The following LRP5 variants were observed in gnomAD, a reference collection of about 807,000 sequenced individuals.
LRP5 encodes the protein LDL receptor related protein 5, also known as low-density lipoprotein receptor-related protein 5.
A neutral mutation model predicts 154.1 loss-of-function variants in LRP5; 62 were observed. That is an observed-to-expected ratio of 0.40 (90% CI 0.33 to 0.50). The LOEUF (loss-of-function observed/expected upper bound fraction) is 0.50. LRP5 is among the 20% of genes least tolerant of loss of function. LRP5 has a pLI of 0.55. For missense variants in LRP5, 1,915 were observed against 2,336.7 expected, an observed-to-expected ratio of 0.82 and a Z score of 3.72; for synonymous variants, 966 against 1,011.5, an observed-to-expected ratio of 0.96 and a Z score of 0.85.
intron 5 of LRP5, among the ~76,000 whole-genome samples, chr11:68,374,447 A>G (rs555551130): frequency 6.6e-6 from 1 of 152,366 alleles, no homozygotes; most frequent in East Asian, 1.9e-4. Flanking sequence ...TGGACCGTGA[A>G]TTTTTAATAG....
At chr11:68,378,013 G>T (rs901183426) in intron 5 of LRP5, among the ~76,000 whole-genome samples, 15 of 152,228 alleles carry the variant, frequency 9.9e-5, no homozygotes, top group African/African-American at 3.6e-4. Flanking sequence ...GGTGGCCTGT[G>T]GCCTGGGAGC....
chr11:68,354,623 G>A (rs2098621591), intron 2 of LRP5, among the ~76,000 whole-genome samples: 1 of 152,232 alleles, frequency 6.6e-6, no homozygotes, highest in Non-Finnish European at 1.5e-5. Context: ...GCACCTTGGA[G>A]TCCCAGGCTG....
chr11:68,438,185 G>A (rs1340823971), intron 19 of LRP5, among the ~76,000 whole-genome samples: 4 of 152,190 alleles, frequency 2.6e-5, no homozygotes, highest in Admixed American at 2.6e-4. Context: ...GGCTGCCTTG[G>A]CAGGGATGTG....
intron 11 of LRP5, among the ~76,000 whole-genome samples, chr11:68,412,680 G>A (rs1341258381): frequency 6.6e-6 from 1 of 151,884 alleles, no homozygotes; most frequent in Non-Finnish European, 1.5e-5. Flanking sequence ...AAGCTCTGAG[G>A]CTCCAAGTCC....
chr11:68,336,412 T>G (rs551656794), intron 1 of LRP5, among the ~76,000 whole-genome samples: 1 of 152,366 alleles, frequency 6.6e-6, no homozygotes, highest in African/African-American at 2.4e-5. Context: ...TTCTTTTTTG[T>G]AGCTCATAAT....
intron 16 of LRP5, 142 bp downstream of exon 16, chr11:68,426,329 C>T: frequency 4.4e-6 from 3 of 681,804 alleles, no homozygotes; most frequent in Non-Finnish European, 4.9e-6. Context: ...CGCTGGGGTT[C>T]AGCGACATGT....
intron 16 of LRP5, among the ~76,000 whole-genome samples, chr11:68,426,575 G>A (rs2153174694): frequency 6.6e-6 from 1 of 151,736 alleles, no homozygotes; most frequent in East Asian, 1.9e-4. Context: ...CTACAGGTGG[G>A]CACCACCACA....
At chr11:68,305,806 G>A in the LRP5 span, among the ~76,000 whole-genome samples, 2 of 152,162 alleles carry the variant, frequency 1.3e-5, no homozygotes. Context: ...CTACCTCTCT[G>A]ACTTCAGTTT....
At chr11:68,414,715 T>G (rs1487172134) in intron 12 of LRP5, among the ~76,000 whole-genome samples, 2 of 152,206 alleles carry the variant, frequency 1.3e-5, no homozygotes, top group Admixed American at 1.3e-4. Context: ...TTTATAAAGC[T>G]CTTTGTCATC....
At chr11:68,351,473 T>A (rs2098618477) in intron 2 of LRP5, among the ~76,000 whole-genome samples, 1 of 152,148 alleles carries the variant, frequency 6.6e-6, no homozygotes, top group Non-Finnish European at 1.5e-5. Flanking sequence ...TCTGCAGTAG[T>A]CGGAGAGGCT....
chr11:68,388,490 C>T (rs756707191), intron 6 of LRP5, among the ~76,000 whole-genome samples: 29 of 152,008 alleles, frequency 1.9e-4, no homozygotes, highest in Non-Finnish European at 3.1e-4. Flanking sequence ...AGGGGCTGGC[C>T]GGCTGGGTCA....
At chr11:68,434,842 C>T (rs181547914) in intron 18 of LRP5, among the ~76,000 whole-genome samples, 21 of 152,340 alleles carry the variant, frequency 1.4e-4, no homozygotes, top group East Asian at 3.9e-4. Context: ...CCTACGTCCT[C>T]ATTCACAAAG....
chr11:68,365,176 G>A (rs1387939984), intron 4 of LRP5, among the ~76,000 whole-genome samples: 3 of 152,344 alleles, frequency 2.0e-5, no homozygotes, highest in African/African-American at 4.8e-5. Context: ...CCATTGGAGC[G>A]TGGGGGGCAG....
At chr11:68,326,570 A>C (rs929197499) in intron 1 of LRP5, among the ~76,000 whole-genome samples, 2 of 152,158 alleles carry the variant, frequency 1.3e-5, no homozygotes, top group Non-Finnish European at 2.9e-5. Flanking sequence ...CCCTGTGCGC[A>C]GTTGGCGCTC....
chr11:68,348,461 G>T lies in LRP5; in HGVS notation c.488+218G>T, dbSNP rs182387912. Among the ~76,000 whole-genome samples the T allele has an allele frequency of 8.6e-3, 1,096 of 128,128 alleles. 51 individuals carry two copies. The highest frequency in any genetic ancestry group is 0.034 in the African/African-American group (1,022 of 30,156). 84.1% of individuals were successfully genotyped at this position (128,128 alleles called of 152,430 possible). ...GCTCAGGCCTGTAACCCCAGCACTC[G>T]GTGTCACTCTTAAAATGAACCCGTG... is the stretch of plus-strand genomic sequence containing the variant. On this transcript the variant is annotated intron_variant, in intron 2 of 22. Coordinates refer to ENST00000294304, the MANE Select transcript of LRP5 (RefSeq NM_002335.4).
chr11:68,440,900 C>T (rs1361777103), intron 21 of LRP5, among the ~76,000 whole-genome samples: 1 of 152,110 alleles, frequency 6.6e-6, no homozygotes, highest in Non-Finnish European at 1.5e-5. Flanking sequence ...TCCCTAGTAG[C>T]TGGGATTACA....
intron 3 of LRP5, among the ~76,000 whole-genome samples, chr11:68,360,383 G>T (rs548657093): frequency 4.1e-5 from 6 of 146,288 alleles, no homozygotes; most frequent in African/African-American, 1.5e-4. Flanking sequence ...CACACAGCTA[G>T]TCCCAGCCAG....
intron 18 of LRP5, among the ~76,000 whole-genome samples, chr11:68,436,218 A>G (rs753109111): frequency 3.9e-5 from 6 of 152,154 alleles, no homozygotes; most frequent in African/African-American, 4.8e-5. Flanking sequence ...ATCCATTACA[A>G]GGACAGGGTC....
chr11:68,425,333 C>T (rs1221600252), intron 15 of LRP5, 41 bp downstream of exon 15: 1 of 1,572,900 alleles, frequency 6.4e-7, no homozygotes, highest in African/African-American at 1.3e-5. Context: ...GACACCCGGC[C>T]TTCATTGTCA....
Sources: allele counts gnomAD v4.1 joint callset (sites outside exome capture counted in the v4.1 genomes callset), GRCh38; gene constraint gnomAD v4.1.1; transcripts MANE v1.5; gene names NCBI Gene and HGNC (gene_info 2026-07-23, HGNC 2026-07-21).